Variants in ATG7 observed in about 807,000 individuals in gnomAD.
ATG7 encodes ubiquitin-like modifier-activating enzyme ATG7.
In ATG7, 70 loss-of-function variants were observed where a neutral mutation model predicts 82.4. The observed-to-expected ratio is 0.85, with a 90% confidence interval of 0.70 to 1.04. The LOEUF (loss-of-function observed/expected upper bound fraction) is 1.04, where lower values mean the gene tolerates loss of function less well. Ranked by LOEUF, ATG7 falls within the 50% of genes least tolerant of loss-of-function variation. The pLI, the probability that ATG7 is intolerant of heterozygous loss-of-function variation, is 0.00. For missense variants in ATG7, 792 were observed against 864.3 expected (o/e 0.92, Z 1.05); for synonymous variants, 287 against 313.0 (o/e 0.92, Z 0.88).
chr3:11,521,463 G>A (rs917591794), intron 20 of ATG7, among the ~76,000 whole-genome samples: 2 of 152,188 alleles, frequency 1.3e-5, no homozygotes, highest in African/African-American at 4.8e-5. Context: ...AGGGCACGGG[G>A]AAGGAGCAAG....
chr3:11,393,145 C>G (rs146043998), intron 19 of ATG7, among the ~76,000 whole-genome samples: 1 of 152,292 alleles, frequency 6.6e-6, no homozygotes, highest in East Asian at 1.9e-4. Flanking sequence ...GTTAGGCTGC[C>G]TGGTTTGCCA....
chr3:11,433,406 AGAGTT>A (rs956726173), intron 20 of ATG7, among the ~76,000 whole-genome samples: 4 of 151,882 alleles, frequency 2.6e-5, no homozygotes, highest in Non-Finnish European at 5.9e-5. Flanking sequence ...TTACCTTCTT[AGAGTT>A]ATTTCTCATC....
At chr3:11,566,387 C>T in the ATG7 span, among the ~76,000 whole-genome samples, 9 of 152,190 alleles carry the variant, frequency 5.9e-5, no homozygotes, top group East Asian at 1.9e-4. Context: ...ACCAGGATAT[C>T]GACAATGAGA....
intron 18 of ATG7, among the ~76,000 whole-genome samples, chr3:11,372,226 G>T (rs1230564276): frequency 6.6e-6 from 1 of 151,148 alleles, no homozygotes; most frequent in Non-Finnish European, 1.5e-5. Context: ...GATTCTTCTA[G>T]GCTCTGTGAT....
the ATG7 span, among the ~76,000 whole-genome samples, chr3:11,567,123 G>C: frequency 6.6e-6 from 1 of 152,262 alleles, no homozygotes; most frequent in African/African-American, 2.4e-5. Context: ...ATGTCATTCT[G>C]CGCCATCTCC....
intron 20 of ATG7, among the ~76,000 whole-genome samples, chr3:11,518,140 CAG>C (rs2092335616): frequency 2.0e-5 from 3 of 152,206 alleles, no homozygotes; most frequent in Admixed American, 6.5e-5. Context: ...GCGGGGCAAT[CAG>C]AGAAAGACTA....
chr3:11,357,198 TAC>T (rs1032204288), intron 14 of ATG7, among the ~76,000 whole-genome samples: 2 of 152,198 alleles, frequency 1.3e-5, no homozygotes, highest in African/African-American at 4.8e-5. Flanking sequence ...GGGTTAAAGG[TAC>T]AGTTTATGAT....
At chr3:11,486,808 G>A (rs1473131459) in intron 20 of ATG7, among the ~76,000 whole-genome samples, 1 of 141,492 alleles carries the variant, frequency 7.1e-6, no homozygotes. Context: ...TGTGGTTTTT[G>A]TCTTTGGTTC....
chr3:11,276,912 A>G (rs1191272279), intron 1 of ATG7, among the ~76,000 whole-genome samples: 1 of 152,114 alleles, frequency 6.6e-6, no homozygotes, highest in African/African-American at 2.4e-5. Context: ...ACAAGTCTAA[A>G]ACTAAGCTCC....
intron 20 of ATG7, among the ~76,000 whole-genome samples, chr3:11,534,263 G>T (rs1046739300): frequency 6.6e-6 from 1 of 152,268 alleles, no homozygotes; most frequent in Non-Finnish European, 1.5e-5. Context: ...CCCTTCTGCC[G>T]CAAGCTGGAC....
At chr3:11,294,630 A>G (rs1398953627) in intron 3 of ATG7, among the ~76,000 whole-genome samples, 1 of 152,218 alleles carries the variant, frequency 6.6e-6, no homozygotes, top group African/African-American at 2.4e-5. Context: ...ATTTGAGGTG[A>G]TTTTGAGGTG....
intron 14 of ATG7, among the ~76,000 whole-genome samples, chr3:11,355,760 G>A (rs1391513280): frequency 6.6e-6 from 1 of 152,156 alleles, no homozygotes; most frequent in Non-Finnish European, 1.5e-5. Flanking sequence ...TACATTGCTG[G>A]TAAAATAACT....
At chr3:11,373,767 G>A (rs2152835089) in intron 18 of ATG7, among the ~76,000 whole-genome samples, 1 of 152,130 alleles carries the variant, frequency 6.6e-6, no homozygotes, top group African/African-American at 2.4e-5. Flanking sequence ...ATTGCTCTGG[G>A]GTTTCTATGC....
intron 20 of ATG7, among the ~76,000 whole-genome samples, chr3:11,538,056 T>C (rs1044156207): frequency 1.3e-5 from 2 of 148,710 alleles, no homozygotes; most frequent in African/African-American, 2.4e-5. Flanking sequence ...AGATGACCCC[T>C]GTTGTCCAGC....
chr3:11,465,444 CA>C (rs34071637), intron 20 of ATG7, among the ~76,000 whole-genome samples: 240 of 116,734 alleles, frequency 2.1e-3, no homozygotes, highest in Middle Eastern at 5.6e-3. Flanking sequence ...GACTCTGTCT[CA>C]AAAAAAAAAA....
Position 11,306,895 on chromosome 3 carries a change from G to T in ATG7, c.216-48G>T, listed in dbSNP as rs769086692. On this transcript the variant is annotated intron_variant, in intron 5 of 20. Coordinates refer to ENST00000693202, the MANE Select transcript of ATG7 (RefSeq NM_001349232.2). ...AGTGGTGGTTGACTTGTCTCTCCCTGGCTGAGTCCCAGCTGTGCCTGACTA... is the reference window on the plus strand; with the variant it reads ...AGTGGTGGTTGACTTGTCTCTCCCTTGCTGAGTCCCAGCTGTGCCTGACTA... 3 of 1,483,310 alleles carry T rather than the reference G, an allele frequency of 2.0e-6. No homozygotes were observed. In the Admixed American group the frequency reaches 5.0e-5, roughly 25 times the overall value. 91.9% of individuals were successfully genotyped at this position (1,483,310 alleles called of 1,614,324 possible).
intron 17 of ATG7, chr3:11,363,206 G>T: frequency 1.6e-5 from 4 of 251,724 alleles, no homozygotes; most frequent in South Asian, 6.1e-5. Context: ...GCTAGGCACT[G>T]TTCTAAGCAC....
chr3:11,313,202 G>A, intron 7 of ATG7, 102 bp from the exon 8 acceptor site: 1 of 668,964 alleles, frequency 1.5e-6, no homozygotes, highest in Non-Finnish European at 2.5e-6. Flanking sequence ...TGTTTGCATA[G>A]CTTTGCTATC....
intron 20 of ATG7, among the ~76,000 whole-genome samples, chr3:11,527,069 G>GTATA (rs1347586691): frequency 0.069 from 8,123 of 117,818 alleles, 310 homozygotes; most frequent in Non-Finnish European, 0.1. Flanking sequence ...GTGTGTGTGT[G>GTATA]TGTATATATA....
Sources: gnomAD v4.1 joint callset for allele counts (sites outside exome capture counted in the v4.1 genomes callset) on GRCh38, gnomAD v4.1.1 for gene constraint, MANE v1.5 for transcripts, NCBI Gene and HGNC (gene_info 2026-07-23, HGNC 2026-07-21) for gene names.